The following XAF1 variants were observed in gnomAD, a reference collection of about 807,000 sequenced individuals.
XAF1 encodes the protein XIAP-associated factor 1.
In XAF1, 32 loss-of-function variants were observed where a neutral mutation model predicts 32.3. The observed-to-expected ratio is 0.99, with a 90% CI of 0.75 to 1.33. XAF1 has a LOEUF of 1.33. Ranked by LOEUF, XAF1 falls within the 40% of genes most tolerant of loss-of-function variation. XAF1 has a pLI of 0.00. For missense variants in XAF1, 379 were observed against 366.0 expected (o/e 1.04, Z -0.29); for synonymous variants, 120 against 125.9 (o/e 0.95, Z 0.31).
At chr17:6,763,502 A>T (rs1567654251) in intron 5 of XAF1, among the ~76,000 whole-genome samples, 1 of 149,920 alleles carries the variant, frequency 6.7e-6, no homozygotes, top group South Asian at 2.1e-4. Flanking sequence ...TAATTTTTGT[A>T]TTTTTTTTTA....
intron 1 of XAF1, among the ~76,000 whole-genome samples, chr17:6,756,541 G>A (rs1019948577): frequency 6.6e-6 from 1 of 151,920 alleles, no homozygotes; most frequent in African/African-American, 2.4e-5. Flanking sequence ...GGCGGGGCAG[G>A]GGGGACAGAG....
chr17:6,756,385 G>C, intron 1 of XAF1: 1 of 928,862 alleles, frequency 1.1e-6, no homozygotes, highest in Non-Finnish European at 1.5e-6. Context: ...CCGGCCAGTG[G>C]TCCCAACTGG....
In XAF1 at chr17:6,760,499, A is replaced by G; in HGVS notation, c.319A>G (p.Ser107Gly). The G allele has an allele frequency of 6.2e-7, 1 of 1,613,540 alleles. No individual in the cohort carries two copies. The highest frequency in any genetic ancestry group is 8.5e-7 in the Non-Finnish European group (1 of 1,179,870). The change falls in exon 4 of 7, where the codon AGC (serine) becomes GGC (glycine). Residue 107 changes from serine (S) to glycine (G), a missense_variant. Coordinates refer to ENST00000361842, the MANE Select transcript of XAF1 (RefSeq NM_017523.5). The part of the protein sequence containing the change: ...KLELHESYCG[S>G]RTELCQGCGQ... Reference sequence around the variant, plus strand: ...GGAGCTCCACGAGTCCTACTGTGGCAGCCGGACAGAGCTCTGCCAAGGCTG... The same window carrying G: ...GGAGCTCCACGAGTCCTACTGTGGCGGCCGGACAGAGCTCTGCCAAGGCTG...
chr17:6,767,081 A>C (rs1033905390), intron 5 of XAF1, among the ~76,000 whole-genome samples: 1 of 152,194 alleles, frequency 6.6e-6, no homozygotes, highest in Non-Finnish European at 1.5e-5. Context: ...TGACCATCTT[A>C]ATCTGTTTAT....
chr17:6,768,059 A>G (rs1280518759), intron 5 of XAF1, among the ~76,000 whole-genome samples: 1 of 151,338 alleles, frequency 6.6e-6, no homozygotes, highest in Non-Finnish European at 1.5e-5. Flanking sequence ...TATTGTTGTT[A>G]TTTATGTAAC....
chr17:6,772,177 G>A (rs1013440134), intron 6 of XAF1, among the ~76,000 whole-genome samples: 1 of 152,044 alleles, frequency 6.6e-6, no homozygotes, highest in South Asian at 2.1e-4. Context: ...CCACAATTTG[G>A]TATATTTCCT....
At chr17:6,755,985 C>T, upstream of XAF1, 1 of 1,607,232 alleles carries the variant, frequency 6.2e-7, no homozygotes, top group East Asian at 2.2e-5. Flanking sequence ...TCCTCCCTCC[C>T]TGAAGCTGTG....
intron 5 of XAF1, among the ~76,000 whole-genome samples, chr17:6,767,780 A>C (rs1453462547): frequency 6.7e-6 from 1 of 149,926 alleles, no homozygotes; most frequent in Non-Finnish European, 1.5e-5. Context: ...TCTCCCTTGT[A>C]TTCTATTGGA....
intron 4 of XAF1, 144 bp from the exon 5 acceptor site, chr17:6,762,011 C>T: frequency 1.3e-6 from 2 of 1,539,314 alleles, no homozygotes; most frequent in South Asian, 2.4e-5. Context: ...GTCAAGGATG[C>T]CGGCAGCGCA....
At chr17:6,771,062 A>T in intron 6 of XAF1, 78 bp downstream of exon 6, 7 of 1,484,996 alleles carry the variant, frequency 4.7e-6, no homozygotes, top group Non-Finnish European at 6.4e-6. Flanking sequence ...GACCTGAAAG[A>T]TGTTCACAAA....
chr17:6,755,833 G>T (rs557621074), upstream of XAF1: 1 of 1,342,196 alleles, frequency 7.5e-7, no homozygotes, highest in African/African-American at 1.5e-5. Flanking sequence ...GCCAGCCTCA[G>T]GGAGGTAGAT....
chr17:6,775,247 AG>A lies in XAF1; in HGVS notation c.*2081del, dbSNP rs1269951572. 6.6e-6 allele frequency: 1 copy of A among 152,146 alleles called. No homozygotes were observed. The highest frequency in any genetic ancestry group is 1.5e-5 in the Non-Finnish European group (1 of 68,022). The allele number at this position is 152,146 out of a possible 1,614,324, so 9.4% of individuals were successfully genotyped here. A position where few individuals can be genotyped will look rare whatever the true frequency, so the allele number is the denominator to read the frequency against. On this transcript the variant is annotated 3_prime_UTR_variant, in exon 7 of 7. Transcript: ENST00000361842. ...CATTGAGTACACATGGATACAAAGA[AG>A]GGAACCGCAGACACTGGGGCCTACC...
chr17:6,760,845 C>T (rs1163276079), intron 4 of XAF1, among the ~76,000 whole-genome samples: 2 of 152,120 alleles, frequency 1.3e-5, no homozygotes. Flanking sequence ...CTAGCTACCA[C>T]AAAGTTGAGT....
Position 6,759,644 on chromosome 17 carries a change from G to A in XAF1, c.169-18G>A, listed in dbSNP as rs1211327026. 1 of 1,611,554 alleles carries A rather than the reference G, an allele frequency of 6.2e-7. No individual in the cohort carries two copies. The highest frequency in any genetic ancestry group is 8.5e-7 in the Non-Finnish European group (1 of 1,179,482). ...ACCCACATCTGGTGTGTGTGTGTGT[G>A]TGTGTGTGTGTGTTTAGGTTGGGTG... On this transcript the variant is annotated intron_variant, in intron 2 of 6. Transcript: ENST00000361842.
intron 4 of XAF1, among the ~76,000 whole-genome samples, chr17:6,761,218 A>G (rs1437638796): frequency 4.6e-5 from 7 of 152,214 alleles, no homozygotes; most frequent in Admixed American, 4.6e-4. Flanking sequence ...GAGCACCTCT[A>G]GCACAGTCCT....
chr17:6,773,142 A>T lies in XAF1; in HGVS notation c.879A>T (p.Lys293Asn). ...QEKCRWLASS[K>N]GKQVRNFS ...AATGCCGGTGGTTAGCTTCATCAAA[A>T]GGAAAACAAGTGAGAAATTTCAGCT... Residue 293 changes from lysine (K) to asparagine (N), a missense_variant, in exon 7 of 7, where the codon AAA becomes AAT. By Grantham distance (94) the Lys-to-Asn change is moderately conservative (BLOSUM62 0). Transcript: ENST00000361842. 6.2e-7 allele frequency: 1 copy of T among 1,605,254 alleles called. No individual in the cohort carries two copies. The highest frequency in any genetic ancestry group is 8.5e-7 in the Non-Finnish European group (1 of 1,177,514).
In XAF1 at chr17:6,774,814, G is replaced by A. The variant is rs551092694; in HGVS notation, c.*1645G>A. On this transcript the variant is annotated 3_prime_UTR_variant, in exon 7 of 7. Coordinates refer to ENST00000361842, the MANE Select transcript of XAF1 (RefSeq NM_017523.5). ...CCAGCACTTTGGGAGGCTGAGGCGG[G>A]TGGTTCACCTGAGGTCAGGAGTTTG... 6.6e-6 allele frequency: 1 copy of A among 152,320 alleles called. No individual in the cohort carries two copies. The highest frequency in any genetic ancestry group is 1.5e-5 in the Non-Finnish European group (1 of 68,050). 9.4% of individuals were successfully genotyped at this position (152,320 alleles called of 1,614,324 possible).
intron 5 of XAF1, among the ~76,000 whole-genome samples, chr17:6,764,659 C>G (rs1975458218): frequency 6.6e-6 from 1 of 151,870 alleles, no homozygotes; most frequent in Non-Finnish European, 1.5e-5. Context: ...TTAATATGAC[C>G]CAAAGCCAGA....
intron 6 of XAF1, 186 bp from the exon 7 acceptor site, chr17:6,772,927 T>C (rs1976163623): frequency 1.7e-5 from 9 of 526,874 alleles, no homozygotes; most frequent in South Asian, 1.6e-4. Flanking sequence ...AGGCCCCTGT[T>C]AAACTTTGTC....
Sources: gnomAD v4.1 joint callset for allele counts (sites outside exome capture counted in the v4.1 genomes callset) on GRCh38, gnomAD v4.1.1 for gene constraint, MANE v1.5 for transcripts, NCBI Gene and HGNC (gene_info 2026-07-23, HGNC 2026-07-21) for gene names.